The following PAK4 variants were observed in gnomAD, a reference collection of about 807,000 sequenced individuals.
PAK4 encodes the protein serine/threonine-protein kinase PAK 4.
A neutral mutation model predicts 53.5 loss-of-function variants in PAK4; 49 were observed. The observed-to-expected ratio is 0.92, with a 90% CI of 0.73 to 1.16. PAK4 has a LOEUF of 1.16. Among genes scored for constraint, PAK4 ranks in the 50% most tolerant of loss-of-function variants. The pLI is 0.00. For synonymous variants in PAK4, 376 were observed against 375.6 expected, an observed-to-expected ratio of 1.00 and a Z score of -0.01; for missense variants, 824 against 850.7, an observed-to-expected ratio of 0.97 and a Z score of 0.39.
At chr19:39,134,817 C>G (rs1044940375) in intron 1 of PAK4, 1 of 152,040 alleles carries the variant, frequency 6.6e-6, no homozygotes, top group Non-Finnish European at 1.5e-5. Context: ...GTTGGCCAGG[C>G]GAGTCTTGAA....
At chr19:39,174,931 G>C in exon 5 of PAK4, 1 of 1,613,772 alleles carries the variant, frequency 6.2e-7, no homozygotes, top group Non-Finnish European at 8.5e-7. Context: ...CCCTGCACAG[G>C]TGGTAATCAT....
downstream of PAK4, chr19:39,180,998 A>C (rs1490197703): frequency 6.6e-6 from 1 of 152,142 alleles, no homozygotes; most frequent in African/African-American, 2.4e-5. Flanking sequence ...AGAGACGGGG[A>C]GCTCCCTCGC....
At chr19:39,169,907 A>G (rs1349530560) in intron 2 of PAK4, 150 bp downstream of exon 3, 1 of 649,854 alleles carries the variant, frequency 1.5e-6, no homozygotes, top group Non-Finnish European at 2.6e-6. Context: ...TCCTGGGTCC[A>G]GTGCTGGCCT....
chr19:39,148,167 G>T (rs2074034506), intron 1 of PAK4, among the ~76,000 whole-genome samples: 1 of 151,628 alleles, frequency 6.6e-6, no homozygotes, highest in Non-Finnish European at 1.5e-5. Flanking sequence ...GGCCAGGCTG[G>T]TCTCGAACTC....
Position 39,173,602 on chromosome 19 carries a change from C to G in PAK4, c.690C>G (p.Asn230Lys). ...GGGAGCCTCATGACGTGGCCCCTAA[C>G]GGGCCATCAGCGGGGGGCCTGGCCA... The change falls in exon 4 of 9, where the codon AAC becomes AAG. Residue 230 changes from asparagine (N) to lysine (K), a missense_variant. By Grantham distance (94) the Asn-to-Lys change is moderately conservative. Transcript: ENST00000358301. The surrounding 1 kb of genome is among the most constrained non-coding windows in gnomAD (Gnocchi z 6.9). 1 of 1,529,724 alleles carries G rather than the reference C, an allele frequency of 6.5e-7. No individual in the cohort carries two copies. The highest frequency in any genetic ancestry group is 8.8e-7 in the Non-Finnish European group (1 of 1,140,916). 94.8% of individuals were successfully genotyped at this position (1,529,724 alleles called of 1,614,324 possible). A position where few individuals can be genotyped will look rare whatever the true frequency, so the allele number is the denominator to read the frequency against.
At chr19:39,152,101 A>ATTTTTTTTTTT in intron 1 of PAK4, 1 of 145,046 alleles carries the variant, frequency 6.9e-6, no homozygotes, top group Non-Finnish European at 1.5e-5. Context: ...AGTTATCGTG[A>ATTTTTTTTTTT]TTTTTTTTTT....
chr19:39,132,654 C>G (rs1448998729), intron 1 of PAK4, among the ~76,000 whole-genome samples: 15 of 152,278 alleles, frequency 9.9e-5, no homozygotes, highest in Non-Finnish European at 1.9e-4. Flanking sequence ...GCATATGTCT[C>G]TAGGTGTGAG....
chr19:39,169,390 G>A (rs1181235550), intron 1 of PAK4, 142 bp from the exon 3 acceptor site: 2 of 651,968 alleles, frequency 3.1e-6, no homozygotes, highest in Non-Finnish European at 5.5e-6. Context: ...ATGGGCGCAG[G>A]GGGTGGGCAG....
At chr19:39,153,665 C>A (rs1293383177) in intron 1 of PAK4, among the ~76,000 whole-genome samples, 1 of 152,194 alleles carries the variant, frequency 6.6e-6, no homozygotes, top group African/African-American at 2.4e-5. Context: ...TGGTCTTGAT[C>A]TCCTGACCTC....
At chr19:39,130,863 C>G (rs1294614080) in intron 1 of PAK4, among the ~76,000 whole-genome samples, 2 of 147,990 alleles carry the variant, frequency 1.4e-5, no homozygotes, top group Non-Finnish European at 3.0e-5. Flanking sequence ...ATTGCTCAGG[C>G]TGCTGTGTGG....
Position 39,173,373 on chromosome 19 carries a change from C to G in PAK4, c.660C>G (p.Ala220=). ...ACACGGACCACCCATCCCGGGGTGC[C>G]CAGGTAACCCATCCCCCGCCCCAGG... is the stretch of plus-strand genomic sequence containing the variant. The change falls in exon 3 of 9, where the codon GCC becomes GCG. Residue 220 remains alanine, a synonymous_variant. Transcript: ENST00000358301. This position sits in a 1 kb window ranked among gnomAD's most constrained non-coding sequence, Gnocchi z 6.9. 6.6e-7 allele frequency: 1 copy of G among 1,523,666 alleles called. No homozygotes were observed. The allele number at this position is 1,523,666 out of a possible 1,614,324, so 94.4% of individuals were successfully genotyped here.
rs1007536010 is a variant in PAK4 at position 39,178,093 on chromosome 19, G to A, written c.1620+284G>A. Among the ~76,000 whole-genome samples the A allele has an allele frequency of 1.3e-5, 2 of 152,096 alleles. No individual in the cohort carries two copies. The highest frequency in any genetic ancestry group is 2.4e-5 in the African/African-American group (1 of 41,392). On this transcript the variant is annotated intron_variant, in intron 8 of 8. Coordinates refer to ENST00000358301, the Ensembl canonical transcript of PAK4. The surrounding 1 kb of genome is among the most constrained non-coding windows in gnomAD (Gnocchi z 4.4). ...ACGTTTAGAAGTGGAGGACAGGGCC[G>A]GGACCTTCCTAGTGGAGGACTTGCC...
chr19:39,175,303 A>C lies in PAK4; in HGVS notation c.1233-9A>C. On this transcript the variant is annotated splice_polypyrimidine_tract_variant and intron_variant, in intron 5 of 8. Transcript: ENST00000358301. This position sits in a 1 kb window ranked among gnomAD's most constrained non-coding sequence, Gnocchi z 4.7. Reference sequence around the variant, plus strand: ...CAGCTGGCTGCTCACCCCCCACCCCACCCCGCAGGATGAACGAGGAGCAGA... The same window carrying C: ...CAGCTGGCTGCTCACCCCCCACCCCCCCCCGCAGGATGAACGAGGAGCAGA... The C allele has an allele frequency of 2.6e-6, 4 of 1,556,314 alleles. No individual in the cohort carries two copies. Among genetic ancestry groups the C allele is most frequent in the Non-Finnish European group, 2.6e-6 (3 of 1,149,598 alleles).
intron 2 of PAK4, among the ~76,000 whole-genome samples, chr19:39,170,795 T>C (rs1220207562): frequency 1.3e-5 from 2 of 152,218 alleles, no homozygotes; most frequent in African/African-American, 4.8e-5. Flanking sequence ...AGGGTGCTTT[T>C]GAATGCTTTG....
At chr19:39,182,275 T>C (rs1439855232), downstream of PAK4, 2 of 152,248 alleles carry the variant, frequency 1.3e-5, no homozygotes, top group Non-Finnish European at 2.9e-5. Flanking sequence ...CCCAGAGGTT[T>C]TGCCATTGCT....
In PAK4 at chr19:39,176,401, G is replaced by A. The variant is rs1300407587; in HGVS notation, c.1360-189G>A. ...TCGTGGGGGAGGTGACTTGCCCGAG[G>A]GCCCCCACCAGGAGGTGGTGGAGCT... On this transcript the variant is annotated intron_variant, in intron 6 of 8. Transcript: ENST00000358301. The A allele has an allele frequency of 1.1e-5, 8 of 716,188 alleles. No homozygotes were observed. In the East Asian group the frequency reaches 1.8e-4, roughly 16 times the overall value. 44.4% of individuals were successfully genotyped at this position (716,188 alleles called of 1,614,324 possible).
rs1482615744 is a variant in PAK4, at chr19:39,173,275, C to A, written c.562C>A (p.Pro188Thr). The A allele has an allele frequency of 6.2e-7, 1 of 1,603,286 alleles. No homozygotes were observed. The highest frequency in any genetic ancestry group is 8.5e-7 in the Non-Finnish European group (1 of 1,175,922). ...CCTCTCCGGGCCTGATGTCGGCACC[C>A]CCCAGCCTGCTGGTCTGGCCAGTGG... Residue 188 changes from proline (P) to threonine (T), a missense_variant, in exon 3 of 9, where the codon CCC becomes ACC. Pro to Thr is a conservative substitution (Grantham distance 38). Transcript: ENST00000358301. The surrounding 1 kb of genome is among the most constrained non-coding windows in gnomAD (Gnocchi z 6.9).
At position 39,161,806 on chromosome 19, in the gene PAK4, C is replaced by T. The variant is rs191923664; in HGVS notation, c.-22-7726C>T. Among the ~76,000 whole-genome samples, 12 of 152,068 alleles carry T rather than the reference C, an allele frequency of 7.9e-5. No homozygotes were observed. In the East Asian group the frequency reaches 1.9e-3, roughly 25 times the overall value. On this transcript the variant is annotated intron_variant, in intron 1 of 8. Coordinates refer to ENST00000358301, the Ensembl canonical transcript of PAK4. This position sits in a 1 kb window ranked among gnomAD's most constrained non-coding sequence, Gnocchi z 4.5. The stretch of plus-strand genomic sequence containing the variant: ...CCTCCTCGCTGTCCCTTGACCATAT[C>T]AAGCAAATTCCTACCGCCCTGGCTG...
At chr19:39,155,543 C>G (rs1370436159) in intron 1 of PAK4, among the ~76,000 whole-genome samples, 4 of 152,140 alleles carry the variant, frequency 2.6e-5, no homozygotes, top group African/African-American at 9.7e-5. Flanking sequence ...TCGAGGGGAA[C>G]AGACAGTGTT....
Sources: gnomAD v4.1 joint callset for allele counts (sites outside exome capture counted in the v4.1 genomes callset) on GRCh38, gnomAD v4.1.1 for gene constraint, Gnocchi (gnomAD v3.1) non-coding constraint, MANE v1.5 for transcripts, NCBI Gene and HGNC (gene_info 2026-07-23, HGNC 2026-07-21) for gene names.